CWC27: variants seen among roughly 807,000 people sequenced by gnomAD.
The protein encoded by CWC27 is CWC27 spliceosome associated cyclophilin, also known as spliceosome-associated protein CWC27 homolog.
Under a neutral mutation model 63.6 loss-of-function variants are expected in CWC27, and 47 were observed. The ratio of observed to expected loss-of-function variants is 0.74; its 90% CI spans 0.58 to 0.94. The LOEUF is 0.94. Among genes scored for constraint, CWC27 ranks in the 40% least tolerant of loss-of-function variants. The pLI is 0.00. For synonymous variants in CWC27, 175 were observed against 179.8 expected (o/e 0.97, Z 0.22); for missense variants, 495 against 554.3 (o/e 0.89, Z 1.07).
intron 11 of CWC27, among the ~76,000 whole-genome samples, chr5:64,925,561 G>C (rs955598862): frequency 1.3e-5 from 2 of 152,146 alleles, no homozygotes; most frequent in Non-Finnish European, 2.9e-5. Flanking sequence ...GAAATTAAAG[G>C]CTCTTATTGG....
intron 11 of CWC27, among the ~76,000 whole-genome samples, chr5:64,928,053 G>C (rs985277166): frequency 1.6e-4 from 25 of 151,950 alleles, no homozygotes; most frequent in African/African-American, 5.8e-4. Context: ...TACTTGGGAG[G>C]CTGAAGCAGG....
intron 13 of CWC27, among the ~76,000 whole-genome samples, chr5:64,996,101 GT>G (rs1749626704): frequency 6.6e-6 from 1 of 152,164 alleles, no homozygotes; most frequent in Non-Finnish European, 1.5e-5. Flanking sequence ...GCATATAAAT[GT>G]TTTTATGAGA....
At chr5:65,016,472 A>AAAT (rs917634770) in intron 13 of CWC27, among the ~76,000 whole-genome samples, 21 of 151,862 alleles carry the variant, frequency 1.4e-4, no homozygotes, top group East Asian at 1.2e-3. Context: ...CTCATCTCAA[A>AAAT]AATAATAATA....
At chr5:64,844,941 C>T in intron 10 of CWC27, 2 of 456,726 alleles carry the variant, frequency 4.4e-6, no homozygotes, top group Non-Finnish European at 8.8e-6. Flanking sequence ...TCTGCCTAAC[C>T]TTGGAGCCCA....
chr5:64,872,301 G>T (rs549999747), intron 10 of CWC27, among the ~76,000 whole-genome samples: 5 of 152,258 alleles, frequency 3.3e-5, no homozygotes, highest in African/African-American at 7.2e-5. Flanking sequence ...TGCATAACTG[G>T]TTCAGGACCC....
chr5:64,962,593 G>A (rs2112434915), intron 11 of CWC27, among the ~76,000 whole-genome samples: 1 of 152,276 alleles, frequency 6.6e-6, no homozygotes, highest in East Asian at 1.9e-4. Flanking sequence ...AGACTCTTAT[G>A]AAAAAGCCAA....
At chr5:64,778,232 C>CT (rs5868387) in intron 2 of CWC27, among the ~76,000 whole-genome samples, 140,748 of 152,172 alleles carry the variant, frequency 0.92, 65,102 homozygotes, top group East Asian at 0.99. Flanking sequence ...TATGTAATGA[C>CT]CTCAGGATAG....
upstream of CWC27, chr5:64,768,923 C>T (rs555540258): frequency 1.6e-3 from 905 of 576,632 alleles, 3 homozygotes; most frequent in Non-Finnish European, 1.5e-3. Flanking sequence ...TAACCCTTCT[C>T]AGGGTTAGCG....
chr5:64,865,056 C>T (rs148419652), intron 10 of CWC27, among the ~76,000 whole-genome samples: 66 of 151,530 alleles, frequency 4.4e-4, no homozygotes, highest in African/African-American at 1.6e-3. Flanking sequence ...AATAGTTATT[C>T]CACAAATATT....
intron 11 of CWC27, among the ~76,000 whole-genome samples, chr5:64,917,711 A>C (rs1278932032): frequency 2.0e-5 from 3 of 152,170 alleles, no homozygotes; most frequent in Admixed American, 6.5e-5. Flanking sequence ...GAACTGGGAC[A>C]TTTGTTTCTT....
intron 10 of CWC27, among the ~76,000 whole-genome samples, chr5:64,823,546 C>T (rs1745272921): frequency 6.6e-6 from 1 of 152,206 alleles, no homozygotes; most frequent in East Asian, 1.9e-4. Flanking sequence ...CCACCTCCTA[C>T]ATCCCTCTGT....
chr5:64,802,395 A>G (rs1395831417), intron 9 of CWC27, among the ~76,000 whole-genome samples: 3 of 152,204 alleles, frequency 2.0e-5, no homozygotes, highest in Non-Finnish European at 2.9e-5. Context: ...TTCATAGGCC[A>G]TGGTGAGGGG....
At chr5:64,967,991 A>T (rs1220108493) in intron 11 of CWC27, among the ~76,000 whole-genome samples, 1 of 152,082 alleles carries the variant, frequency 6.6e-6, no homozygotes, top group Non-Finnish European at 1.5e-5. Context: ...TCAGACTGAG[A>T]TAAATCATTT....
chr5:64,906,304 T>A (rs1747639700), intron 11 of CWC27, among the ~76,000 whole-genome samples: 1 of 152,354 alleles, frequency 6.6e-6, no homozygotes, highest in South Asian at 2.1e-4. Flanking sequence ...AAAGTATTCC[T>A]ATTTCTCCAC....
At chr5:64,848,078 AG>A (rs1029672143) in intron 10 of CWC27, among the ~76,000 whole-genome samples, 8 of 152,126 alleles carry the variant, frequency 5.3e-5, no homozygotes, top group African/African-American at 1.9e-4. Context: ...AACAAAATTA[AG>A]GGTTGATTTT....
At chr5:64,782,426 C>T (rs1344175192) in intron 3 of CWC27, among the ~76,000 whole-genome samples, 6 of 126,714 alleles carry the variant, frequency 4.7e-5, no homozygotes, top group East Asian at 2.2e-4. Context: ...CCAGCCTGGG[C>T]GACAGAGCGA....
intron 10 of CWC27, among the ~76,000 whole-genome samples, chr5:64,849,985 ATGG>A (rs1330665099): frequency 1.3e-5 from 2 of 152,296 alleles, no homozygotes; most frequent in African/African-American, 4.8e-5. Context: ...ATGGACCAAT[ATGG>A]TGATCTATGG....
At chr5:64,776,116 A>AGAGAGAGAGAGAGG (rs1743441952) in intron 2 of CWC27, among the ~76,000 whole-genome samples, 3 of 99,118 alleles carry the variant, frequency 3.0e-5, no homozygotes, top group Admixed American at 1.0e-4. Flanking sequence ...AGAGAGAGAG[A>AGAGAGAGAGAGAGG]GAGAGAATGA....
chr5:64,800,011 CTTCTT>C (rs1482297033), intron 7 of CWC27, among the ~76,000 whole-genome samples: 1 of 152,042 alleles, frequency 6.6e-6, no homozygotes, highest in East Asian at 1.9e-4. Context: ...ATTCAACAGA[CTTCTT>C]TTAAATGATA....
Sources: gnomAD v4.1 joint callset for allele counts (sites outside exome capture counted in the v4.1 genomes callset) on GRCh38, gnomAD v4.1.1 for gene constraint, MANE v1.5 for transcripts, NCBI Gene and HGNC (gene_info 2026-07-23, HGNC 2026-07-21) for gene names.